Variants in GRK1 observed in about 807,000 individuals in gnomAD.
The protein encoded by GRK1 is rhodopsin kinase GRK1.
A neutral mutation model predicts 41.7 loss-of-function variants in GRK1; 28 were observed. The ratio of observed to expected loss-of-function variants is 0.67; its 90% CI spans 0.50 to 0.92. The LOEUF (loss-of-function observed/expected upper bound fraction) is 0.92, where lower values mean the gene tolerates loss of function less well. Ranked by LOEUF, GRK1 falls within the 40% of genes least tolerant of loss-of-function variation. The pLI is 0.00. For missense variants in GRK1, 703 were observed against 671.2 expected (o/e 1.05, Z -0.52); for synonymous variants, 327 against 286.7 (o/e 1.14, Z -1.42).
chr13:113,731,481 C>T lies in GRK1; in HGVS notation c.1194+138C>T. 1.6e-6 allele frequency: 2 copies of T among 1,261,968 alleles called. No individual in the cohort carries two copies. The highest frequency in any genetic ancestry group is 2.2e-6 in the Non-Finnish European group (2 of 927,726). The allele number at this position is 1,261,968 out of a possible 1,614,324, so 78.2% of individuals were successfully genotyped here. On this transcript the variant is annotated intron_variant, in intron 5 of 6. Transcript: ENST00000335678. This position sits in a 1 kb window ranked among gnomAD's most constrained non-coding sequence, Gnocchi z 5.6. ...CCCTGGGGTGGGGAGGGCACAGATT[C>T]ACGTGCTGGGGTCTTGCTCCTGGGC...
chr13:113,723,541 A>C (rs954645767), intron 4 of GRK1, among the ~76,000 whole-genome samples: 1 of 152,150 alleles, frequency 6.6e-6, no homozygotes, highest in African/African-American at 2.4e-5. Flanking sequence ...TCCAGGTCAT[A>C]GGAAGATGAG....
chr13:113,727,158 C>T (rs942904780), intron 4 of GRK1, among the ~76,000 whole-genome samples: 8 of 152,244 alleles, frequency 5.3e-5, no homozygotes, highest in African/African-American at 1.4e-4. Flanking sequence ...AGAGCTGGCT[C>T]GGGGGCCAGG....
Position 113,671,650 on chromosome 13 carries a change from A to C in GRK1, c.979A>C (p.Asn327His). 1 of 760,734 alleles carries C rather than the reference A, an allele frequency of 1.3e-6. No homozygotes were observed. Among genetic ancestry groups the C allele is most frequent in the Non-Finnish European group, 2.4e-6 (1 of 414,864 alleles). The allele number at this position is 760,734 out of a possible 1,614,324, so 47.1% of individuals were successfully genotyped here. A position where few individuals can be genotyped will look rare whatever the true frequency, so the allele number is the denominator to read the frequency against. The change falls in exon 3 of 7, where the codon AAT becomes CAT. Residue 327 changes from asparagine (N) to histidine (H), a missense_variant. Coordinates refer to ENST00000335678, the MANE Select transcript of GRK1 (RefSeq NM_002929.3). The surrounding 1 kb of genome is among the most constrained non-coding windows in gnomAD (Gnocchi z 4.1). ...CAAGCCCGAGAACGTGCTGCTGGAC[A>C]ATGACGGTAGGAGGTGCCCTCGGCT... ...DLKPENVLLD[N>H]DGNVRISDLG...
the GRK1 span, among the ~76,000 whole-genome samples, chr13:113,654,103 A>G: frequency 2.0e-5 from 3 of 152,130 alleles, no homozygotes; most frequent in Non-Finnish European, 4.4e-5. Flanking sequence ...CATTCTTTCC[A>G]TAAATGTGGT....
chr13:113,651,485 C>T, the GRK1 span, among the ~76,000 whole-genome samples: 3 of 152,236 alleles, frequency 2.0e-5, no homozygotes, highest in Non-Finnish European at 4.4e-5. Context: ...CATTGTTTCC[C>T]TTGCTGGGTT....
chr13:113,671,409 A>G lies in GRK1; in HGVS notation c.828-90A>G, dbSNP rs892640145. On this transcript the variant is annotated intron_variant, in intron 2 of 6. Coordinates refer to ENST00000335678, the MANE Select transcript of GRK1 (RefSeq NM_002929.3). This position sits in a 1 kb window ranked among gnomAD's most constrained non-coding sequence, Gnocchi z 4.1. Reference sequence around the variant, plus strand: ...CAAAACGACCAGAACGCTGGCCGAGAGACATGGTTCTGAGGCCCCAGCTCT... The same window carrying G: ...CAAAACGACCAGAACGCTGGCCGAGGGACATGGTTCTGAGGCCCCAGCTCT... The G allele has an allele frequency of 5.7e-5, 43 of 755,466 alleles. No individual in the cohort carries two copies. In the Admixed American group the frequency reaches 6.2e-4, roughly 11 times the overall value. 46.8% of individuals were successfully genotyped at this position (755,466 alleles called of 1,614,324 possible). A position where few individuals can be genotyped will look rare whatever the true frequency, so the allele number is the denominator to read the frequency against.
At chr13:113,723,882 A>T (rs1566695391) in intron 4 of GRK1, among the ~76,000 whole-genome samples, 1 of 118,104 alleles carries the variant, frequency 8.5e-6, no homozygotes, top group Non-Finnish European at 1.7e-5. Flanking sequence ...GTCTGTGCAC[A>T]CACGTGTCCG....
intron 2 of GRK1, 130 bp downstream of exon 2, chr13:113,669,944 C>G: frequency 9.4e-7 from 1 of 1,062,920 alleles, no homozygotes; most frequent in Non-Finnish European, 1.3e-6. Flanking sequence ...AGCCTTGCAC[C>G]CATCACAATC....
chr13:113,652,324 T>A, the GRK1 span, among the ~76,000 whole-genome samples: 1 of 152,234 alleles, frequency 6.6e-6, no homozygotes, highest in Non-Finnish European at 1.5e-5. Context: ...GGCACAAGCC[T>A]GCAGCCTCTT....
intron 4 of GRK1, chr13:113,726,536 A>C (rs1231361503): frequency 1.2e-5 from 2 of 161,768 alleles, no homozygotes; most frequent in African/African-American, 4.8e-5. Flanking sequence ...TGAACAGAGC[A>C]GGTAGAGCTG....
the GRK1 span, among the ~76,000 whole-genome samples, chr13:113,657,721 C>A: frequency 6.6e-6 from 1 of 152,268 alleles, no homozygotes; most frequent in African/African-American, 2.4e-5. Context: ...CAAAATGATT[C>A]ACTTTAGAAA....
rs778908075 is a variant in GRK1, at chr13:113,731,069, C to T, written c.1070-150C>T. The T allele has an allele frequency of 1.4e-4, 161 of 1,147,362 alleles. No individual in the cohort carries two copies. The highest frequency in any genetic ancestry group is 1.9e-4 in the Non-Finnish European group (157 of 832,372). 71.1% of individuals were successfully genotyped at this position (1,147,362 alleles called of 1,614,324 possible). A position where few individuals can be genotyped will look rare whatever the true frequency, so the allele number is the denominator to read the frequency against. On this transcript the variant is annotated intron_variant, in intron 4 of 6. Transcript: ENST00000335678. The surrounding 1 kb of genome is among the most constrained non-coding windows in gnomAD (Gnocchi z 5.6). ...GGCACCCAGTAACACACAGGGCAGC[C>T]CCTCCACAAAGGATTTTCTGGCCCC...
At chr13:113,734,035 TATGTGTGTGTGC>T (rs1349519617) in intron 6 of GRK1, among the ~76,000 whole-genome samples, 4 of 130,178 alleles carry the variant, frequency 3.1e-5, no homozygotes, top group African/African-American at 1.3e-4. Context: ...TGCGTGTGCG[TATGTGTGTGTGC>T]ATACGTGTGT....
At chr13:113,733,959 CGTGTGTGTGCGTGTGTGCGCATGT>C (rs1012526189) in intron 6 of GRK1, among the ~76,000 whole-genome samples, 1 of 104,512 alleles carries the variant, frequency 9.6e-6, no homozygotes, top group African/African-American at 3.7e-5. Context: ...TGTGTGCATA[CGTGTGTGTGCGTGTGTGCGCATGT>C]GTGTGCATAC....
chr13:113,671,687 G>A lies in GRK1; in HGVS notation c.985+31G>A. On this transcript the variant is annotated intron_variant, in intron 3 of 6. Coordinates refer to ENST00000335678, the MANE Select transcript of GRK1 (RefSeq NM_002929.3). This position sits in a 1 kb window ranked among gnomAD's most constrained non-coding sequence, Gnocchi z 4.1. ...AGGTGCCCTCGGCTGGGAGGGATGA[G>A]GGCTACGAGGAGGGCGGGGCGCAGC... The A allele has an allele frequency of 1.4e-6, 1 of 722,768 alleles. No individual in the cohort carries two copies. Among genetic ancestry groups the A allele is most frequent in the Non-Finnish European group, 2.5e-6 (1 of 396,918 alleles). 44.8% of individuals were successfully genotyped at this position (722,768 alleles called of 1,614,324 possible).
At chr13:113,649,512 C>T in the GRK1 span, 59 of 1,538,072 alleles carry the variant, frequency 3.8e-5, no homozygotes, top group African/African-American at 5.2e-4. This position sits in a 1 kb window ranked among gnomAD's most constrained non-coding sequence, Gnocchi z 4.7. Context: ...GCTTCGCTGC[C>T]ACCAGGGGGT....
chr13:113,672,758 T>A (rs1269245397), intron 3 of GRK1, among the ~76,000 whole-genome samples: 1 of 74,786 alleles, frequency 1.3e-5, no homozygotes, highest in Admixed American at 1.5e-4. Flanking sequence ...TCAACCTAAT[T>A]GTTTGTATCA....
the GRK1 span, among the ~76,000 whole-genome samples, chr13:113,654,085 A>C: frequency 1.6e-3 from 249 of 152,130 alleles, 1 homozygote; most frequent in African/African-American, 5.7e-3. Context: ...TTTTGTGTCA[A>C]CTCACCTCAT....
the GRK1 span, among the ~76,000 whole-genome samples, chr13:113,651,191 A>G: frequency 6.6e-6 from 1 of 152,222 alleles, no homozygotes; most frequent in African/African-American, 2.4e-5. Context: ...AAGACATTTA[A>G]TTTAAAAAAT....
Sources: gnomAD v4.1 joint callset for allele counts (sites outside exome capture counted in the v4.1 genomes callset) on GRCh38, gnomAD v4.1.1 for gene constraint, Gnocchi (gnomAD v3.1) non-coding constraint, MANE v1.5 for transcripts, NCBI Gene and HGNC (gene_info 2026-07-23, HGNC 2026-07-21) for gene names.